SGK3: variants seen among roughly 807,000 people sequenced by gnomAD.
The protein encoded by SGK3 is serine/threonine-protein kinase Sgk3.
Under a neutral mutation model 68.5 loss-of-function variants are expected in SGK3, and 47 were observed. The ratio of observed to expected loss-of-function variants is 0.69; its 90% CI spans 0.54 to 0.87. The LOEUF is 0.87. SGK3 is among the 40% of genes least tolerant of loss of function. The probability of loss-of-function intolerance (pLI) is 0.00; values close to 1 mark genes in which losing one functional copy is unlikely to be tolerated. For synonymous variants in SGK3, 181 were observed against 189.1 expected (o/e 0.96, Z 0.35); for missense variants, 479 against 575.5 (o/e 0.83, Z 1.72).
In SGK3 at chr8:66,712,827, G is replaced by T. The variant is rs1196687518; in HGVS notation, c.-128G>T. The T allele has an allele frequency of 2.0e-5, 3 of 151,446 alleles. No individual in the cohort carries two copies. The highest frequency in any genetic ancestry group is 6.6e-5 in the Admixed American group (1 of 15,192). The allele number at this position is 151,446 out of a possible 1,614,324, so 9.4% of individuals were successfully genotyped here. ...CCGCCGCGCCGGGAGCAGCACCGCG[G>T]GGCCAGGTAGGTGCGGGGCCGGCGG... On this transcript the variant is annotated 5_prime_UTR_variant, in exon 1 of 17. Transcript: ENST00000521198.
At chr8:66,718,877 T>C (rs1804719853) in intron 1 of SGK3, among the ~76,000 whole-genome samples, 1 of 152,148 alleles carries the variant, frequency 6.6e-6, no homozygotes, top group Non-Finnish European at 1.5e-5. Context: ...TGGAATCATA[T>C]TCTTAGTTTT....
At chr8:66,791,351 GA>G (rs1807445717) in intron 1 of SGK3, among the ~76,000 whole-genome samples, 1 of 152,190 alleles carries the variant, frequency 6.6e-6, no homozygotes, top group African/African-American at 2.4e-5. Context: ...GCTGGGTGGA[GA>G]AAGAGTGGCG....
chr8:66,727,527 A>G (rs1805019770), intron 1 of SGK3, among the ~76,000 whole-genome samples: 1 of 152,198 alleles, frequency 6.6e-6, no homozygotes, highest in Non-Finnish European at 1.5e-5. Flanking sequence ...TTAATCCCCA[A>G]TACAACAGCA....
intron 1 of SGK3, among the ~76,000 whole-genome samples, chr8:66,773,342 G>A (rs146285676): frequency 3.3e-5 from 5 of 152,300 alleles, no homozygotes; most frequent in African/African-American, 7.2e-5. Flanking sequence ...GTGACCAAAC[G>A]TGAGGACTGA....
chr8:66,847,187 TTC>T lies in SGK3; in HGVS notation c.1075-5_1075-4del. On this transcript the variant is annotated splice_polypyrimidine_tract_variant and splice_region_variant and intron_variant, in intron 14 of 16. Transcript: ENST00000521198. Reference sequence around the variant, plus strand: ...CTAAGTTTATTTTGCTTTTTTTTTTTTCCAGCCTCCTTTTTATTGCCGAGATG... The same window carrying T: ...CTAAGTTTATTTTGCTTTTTTTTTTTCAGCCTCCTTTTTATTGCCGAGATG... The T allele has an allele frequency of 6.3e-7, 1 of 1,586,136 alleles. No individual in the cohort carries two copies. Among genetic ancestry groups the T allele is most frequent in the South Asian group, 1.2e-5 (1 of 85,576 alleles).
At chr8:66,757,117 T>A (rs1806001587) in intron 1 of SGK3, among the ~76,000 whole-genome samples, 1 of 149,658 alleles carries the variant, frequency 6.7e-6, no homozygotes, top group Non-Finnish European at 1.5e-5. Flanking sequence ...CTTTCCTAAC[T>A]ACTCAGGCCC....
At chr8:66,746,553 C>T (rs1805660262) in intron 1 of SGK3, among the ~76,000 whole-genome samples, 1 of 151,808 alleles carries the variant, frequency 6.6e-6, no homozygotes. Context: ...AAGATCCTGT[C>T]TCTACATTTT....
intron 1 of SGK3, among the ~76,000 whole-genome samples, chr8:66,763,786 A>G (rs1045140955): frequency 1.3e-5 from 2 of 152,088 alleles, no homozygotes; most frequent in African/African-American, 4.8e-5. Context: ...GTTCATCTGT[A>G]TCTCCTTTCT....
At chr8:66,722,859 C>T (rs1183298851) in intron 1 of SGK3, among the ~76,000 whole-genome samples, 3 of 151,708 alleles carry the variant, frequency 2.0e-5, no homozygotes, top group Non-Finnish European at 2.9e-5. Flanking sequence ...GTGGCGAAAA[C>T]AGGAGCAAGA....
intron 16 of SGK3, among the ~76,000 whole-genome samples, chr8:66,852,978 C>A (rs1323654458): frequency 6.6e-6 from 1 of 152,226 alleles, no homozygotes; most frequent in African/African-American, 2.4e-5. Context: ...ACTTCAGACT[C>A]AGATAGCTCC....
In SGK3 at chr8:66,755,191, G is replaced by A. The variant is rs536904543; in HGVS notation, c.-121-38425G>A. On this transcript the variant is annotated intron_variant, in intron 1 of 16. Transcript: ENST00000521198. The stretch of plus-strand genomic sequence containing the variant: ...GGAGAATCATCTGAACCCAGGAGGC[G>A]GAGGTTGCAGTGAGCCGAGATCACA... Among the ~76,000 whole-genome samples, 45 of 149,648 alleles carry A rather than the reference G, an allele frequency of 3.0e-4. 1 individual carries two copies. In the South Asian group the frequency reaches 7.7e-3, roughly 26 times the overall value.
chr8:66,746,286 T>G, intron 1 of SGK3, among the ~76,000 whole-genome samples: 1 of 152,244 alleles, frequency 6.6e-6, no homozygotes, highest in East Asian at 1.9e-4. Flanking sequence ...GGGCTTTCTC[T>G]TTTCTTTTGC....
chr8:66,805,749 A>G (rs1052982438), intron 4 of SGK3, among the ~76,000 whole-genome samples: 1 of 152,210 alleles, frequency 6.6e-6, no homozygotes, highest in African/African-American at 2.4e-5. Flanking sequence ...TCTGCCACAG[A>G]TGAATCCTGA....
chr8:66,779,765 C>T (rs922154754), intron 1 of SGK3, among the ~76,000 whole-genome samples: 6 of 149,938 alleles, frequency 4.0e-5, no homozygotes, highest in African/African-American at 1.5e-4. Context: ...AACATAGCCA[C>T]TGTAAGGTCA....
intron 1 of SGK3, among the ~76,000 whole-genome samples, chr8:66,727,187 G>T (rs373329025): frequency 2.6e-5 from 4 of 151,952 alleles, no homozygotes; most frequent in Non-Finnish European, 5.9e-5. Flanking sequence ...CTGCAGCCTC[G>T]ATCTCCTAGG....
intron 3 of SGK3, among the ~76,000 whole-genome samples, chr8:66,802,151 C>T (rs1469238172): frequency 6.6e-6 from 1 of 151,922 alleles, no homozygotes; most frequent in Non-Finnish European, 1.5e-5. Flanking sequence ...TATGTACCTC[C>T]TTCTAATTCT....
Position 66,807,359 on chromosome 8 carries a change from A to G in SGK3, c.253+2912A>G, listed in dbSNP as rs976604648. On this transcript the variant is annotated intron_variant, in intron 4 of 16. Coordinates refer to ENST00000521198, the MANE Select transcript of SGK3 (RefSeq NM_001033578.3). ...ACTGAATCCTTAAGACAATCATTTCATCAAGGAAAGAAAGCAAAGAAGTAA... is the reference window on the plus strand; with the variant it reads ...ACTGAATCCTTAAGACAATCATTTCGTCAAGGAAAGAAAGCAAAGAAGTAA... Among the ~76,000 whole-genome samples the G allele has an allele frequency of 5.3e-5, 8 of 152,348 alleles. No homozygotes were observed. In the South Asian group the frequency reaches 1.7e-3, roughly 32 times the overall value.
At chr8:66,822,870 C>T (rs1808901399) in intron 6 of SGK3, among the ~76,000 whole-genome samples, 1 of 152,148 alleles carries the variant, frequency 6.6e-6, no homozygotes, top group African/African-American at 2.4e-5. Context: ...ATCCACCTGC[C>T]TCAGCCTCTC....
At chr8:66,837,527 T>A (rs907544067) in intron 10 of SGK3, among the ~76,000 whole-genome samples, 1 of 152,148 alleles carries the variant, frequency 6.6e-6, no homozygotes, top group Non-Finnish European at 1.5e-5. Flanking sequence ...ACACCTATGA[T>A]CCCAGCAATT....
Sources: gnomAD v4.1 joint callset for allele counts (sites outside exome capture counted in the v4.1 genomes callset) on GRCh38, gnomAD v4.1.1 for gene constraint, MANE v1.5 for transcripts, NCBI Gene and HGNC (gene_info 2026-07-23, HGNC 2026-07-21) for gene names.